The following PRICKLE1 variants were observed in gnomAD, a reference collection of about 807,000 sequenced individuals.
The protein encoded by PRICKLE1 is prickle planar cell polarity protein 1.
A neutral mutation model predicts 70.2 loss-of-function variants in PRICKLE1; 14 were observed. That is an observed-to-expected ratio of 0.20 (90% CI 0.13 to 0.31). The LOEUF (loss-of-function observed/expected upper bound fraction) is 0.31, where lower values mean the gene tolerates loss of function less well. Ranked by LOEUF, PRICKLE1 falls within the 10% of genes least tolerant of loss-of-function variation. The probability of loss-of-function intolerance (pLI) is 1.00; values close to 1 mark genes in which losing one functional copy is unlikely to be tolerated. For synonymous variants in PRICKLE1, 357 were observed against 379.9 expected (o/e 0.94, Z 0.70); for missense variants, 821 against 1,026.2 (o/e 0.80, Z 2.73).
At position 42,464,636 on chromosome 12, in the gene PRICKLE1, T is replaced by C; in HGVS notation, c.1398A>G (p.Lys466=). The C allele has an allele frequency of 6.2e-7, 1 of 1,614,082 alleles. No individual in the cohort carries two copies. Among genetic ancestry groups the C allele is most frequent in the Non-Finnish European group, 8.5e-7 (1 of 1,180,010 alleles). Residue 466 remains lysine (K), a synonymous_variant, in exon 7 of 8, where the codon AAA becomes AAG. Coordinates refer to ENST00000345127, the MANE Select transcript of PRICKLE1 (RefSeq NM_153026.3). This position sits in a 1 kb window ranked among gnomAD's most constrained non-coding sequence, Gnocchi z 4.2. ...GTGCCCAGTACATATCAGACTGGTA[T>C]TTTTTACTTGCAAGGCTCTGGTTAT... ...KQNNQSLASK[K]YQSDMYWAQS... is the part of the protein sequence containing the mutation.
chr12:42,474,706 T>A (rs1331591560), intron 1 of PRICKLE1, among the ~76,000 whole-genome samples: 3 of 152,188 alleles, frequency 2.0e-5, no homozygotes, highest in African/African-American at 7.2e-5. Flanking sequence ...AACCAGAGGT[T>A]AAGAATTTAA....
chr12:42,541,501 C>A (rs192122460), intron 1 of PRICKLE1, among the ~76,000 whole-genome samples: 2 of 152,040 alleles, frequency 1.3e-5, no homozygotes, highest in East Asian at 1.9e-4. Flanking sequence ...CCACGCCCAG[C>A]TAATTTTTAC....
intron 1 of PRICKLE1, among the ~76,000 whole-genome samples, chr12:42,542,927 G>A (rs945987161): frequency 3.9e-5 from 6 of 152,166 alleles, no homozygotes; most frequent in African/African-American, 1.2e-4. Flanking sequence ...GGAGGTGGGC[G>A]ATTGGGAGGT....
At chr12:42,495,782 G>A (rs1377437244) in intron 1 of PRICKLE1, among the ~76,000 whole-genome samples, 2 of 151,804 alleles carry the variant, frequency 1.3e-5, no homozygotes, top group Admixed American at 6.6e-5. Flanking sequence ...TAGTAGAGAC[G>A]GGGTTTCACC....
intron 1 of PRICKLE1, among the ~76,000 whole-genome samples, chr12:42,528,748 C>G (rs1346961778): frequency 1.3e-5 from 2 of 152,086 alleles, no homozygotes; most frequent in Admixed American, 6.6e-5. Context: ...TCCTCACAGT[C>G]AATGCTCAAA....
Position 42,464,285 on chromosome 12 carries a change from T to C in PRICKLE1, c.1639+110A>G. The C allele has an allele frequency of 1.5e-6, 2 of 1,340,582 alleles. No homozygotes were observed. Among genetic ancestry groups the C allele is most frequent in the Non-Finnish European group, 2.1e-6 (2 of 937,778 alleles). The allele number at this position is 1,340,582 out of a possible 1,614,324, so 83.0% of individuals were successfully genotyped here. ...ATCTGCCCACCTCAGCCTCCCATAG[T>C]GCTGGAATTATAGGCATGAGCCACT... On this transcript the variant is annotated intron_variant, in intron 7 of 7. Transcript: ENST00000345127. This position sits in a 1 kb window ranked among gnomAD's most constrained non-coding sequence, Gnocchi z 4.2.
chr12:42,507,102 T>C (rs1442519552), intron 1 of PRICKLE1, among the ~76,000 whole-genome samples: 2 of 152,198 alleles, frequency 1.3e-5, no homozygotes, highest in South Asian at 2.1e-4. Flanking sequence ...AAAAGCTGTA[T>C]GTTCATGAAG....
chr12:42,500,306 T>C (rs917656181), intron 1 of PRICKLE1, among the ~76,000 whole-genome samples: 1 of 152,204 alleles, frequency 6.6e-6, no homozygotes, highest in Admixed American at 6.5e-5. Flanking sequence ...TACAAAATCA[T>C]TTTATTGTCC....
chr12:42,494,036 A>G (rs1283540387), intron 1 of PRICKLE1, among the ~76,000 whole-genome samples: 1 of 152,240 alleles, frequency 6.6e-6, no homozygotes, highest in Non-Finnish European at 1.5e-5. Flanking sequence ...ACACTACACT[A>G]TAGTCTACTG....
At chr12:42,587,466 T>G (rs1238168825) in intron 1 of PRICKLE1, among the ~76,000 whole-genome samples, 1 of 152,262 alleles carries the variant, frequency 6.6e-6, no homozygotes, top group Non-Finnish European at 1.5e-5. Flanking sequence ...AACCCTTAAC[T>G]GTGGGTAACA....
At chr12:42,509,913 G>C (rs1159586532) in intron 1 of PRICKLE1, among the ~76,000 whole-genome samples, 2 of 151,316 alleles carry the variant, frequency 1.3e-5, no homozygotes, top group African/African-American at 4.8e-5. Flanking sequence ...TCTCTACTAA[G>C]AATACAAAAA....
At chr12:42,471,415 ACCTAC>A (rs1938317769) in intron 2 of PRICKLE1, among the ~76,000 whole-genome samples, 1 of 152,102 alleles carries the variant, frequency 6.6e-6, no homozygotes, top group Admixed American at 6.5e-5. Flanking sequence ...ACCACACAAA[ACCTAC>A]CCACTCTAAG....
rs147987332 is a variant in PRICKLE1 at position 42,570,610 on chromosome 12, G to A, written c.-49+18855C>T. On this transcript the variant is annotated intron_variant, in intron 1 of 7. Transcript: ENST00000345127. ...CGAAGCGGGTGGATCACCAGACGTC[G>A]GGAGTTCGAGACCAGCCTGGCCAAC... is the stretch of plus-strand genomic sequence containing the variant. Among the ~76,000 whole-genome samples the A allele has an allele frequency of 3.6e-3, 554 of 152,186 alleles. 6 individuals are homozygous for A. Among genetic ancestry groups the A allele is most frequent in the East Asian group, 0.034 (175 of 5,166 alleles).
At chr12:42,462,160 C>A (rs1937871119) in intron 7 of PRICKLE1, among the ~76,000 whole-genome samples, 1 of 151,982 alleles carries the variant, frequency 6.6e-6, no homozygotes, top group Non-Finnish European at 1.5e-5. Context: ...CAAGGAATGT[C>A]AGCCCCTAAC....
intron 1 of PRICKLE1, among the ~76,000 whole-genome samples, chr12:42,527,952 T>C (rs1323780140): frequency 0.086 from 3,342 of 38,692 alleles, 206 homozygotes; most frequent in South Asian, 0.15. Context: ...TATATATATA[T>C]ATATATATAT....
chr12:42,552,027 C>CA (rs1344074490), intron 1 of PRICKLE1, among the ~76,000 whole-genome samples: 5 of 151,074 alleles, frequency 3.3e-5, no homozygotes, highest in Non-Finnish European at 7.4e-5. Flanking sequence ...CTCCATTAGC[C>CA]ATTCACAACC....
chr12:42,464,317 G>T lies in PRICKLE1; in HGVS notation c.1639+78C>A. On this transcript the variant is annotated intron_variant, in intron 7 of 7. Transcript: ENST00000345127. This position sits in a 1 kb window ranked among gnomAD's most constrained non-coding sequence, Gnocchi z 4.2. ...ATTATAGGCATGAGCCACTGCGCCT[G>T]GCTTGAATTGCAATTTTTTGAATAC... The T allele has an allele frequency of 6.3e-7, 1 of 1,577,170 alleles. No homozygotes were observed. Among genetic ancestry groups the T allele is most frequent in the Non-Finnish European group, 8.7e-7 (1 of 1,148,494 alleles).
At chr12:42,469,671 G>A (rs192691543) in intron 3 of PRICKLE1, 84 bp from the exon 4 acceptor site, 227 of 1,571,858 alleles carry the variant, frequency 1.4e-4, no homozygotes, top group Non-Finnish European at 1.6e-4. Context: ...AGGGTTTCAG[G>A]AAGTGAAACA....
chr12:42,478,149 G>A (rs998257896), intron 1 of PRICKLE1, among the ~76,000 whole-genome samples: 2 of 151,900 alleles, frequency 1.3e-5, no homozygotes, highest in African/African-American at 2.4e-5. Flanking sequence ...ACACTTCTGT[G>A]GGATCCATTT....
Sources: gnomAD v4.1 joint callset for allele counts (sites outside exome capture counted in the v4.1 genomes callset) on GRCh38, gnomAD v4.1.1 for gene constraint, Gnocchi (gnomAD v3.1) non-coding constraint, MANE v1.5 for transcripts, NCBI Gene and HGNC (gene_info 2026-07-23, HGNC 2026-07-21) for gene names.